AP3S2: variants seen among roughly 807,000 people sequenced by gnomAD.
The protein encoded by AP3S2 is AP-3 complex subunit sigma-2.
AP3S2 carries 22 observed loss-of-function variants against 23.4 expected under a neutral mutation model. That is an observed-to-expected ratio of 0.94 (90% CI 0.67 to 1.34). The LOEUF (loss-of-function observed/expected upper bound fraction) is 1.34, where lower values mean the gene tolerates loss of function less well. AP3S2 is among the 40% of genes most tolerant of loss of function. The pLI is 0.00. For missense variants in AP3S2, 241 were observed against 236.9 expected, an observed-to-expected ratio of 1.02 and a Z score of -0.11; for synonymous variants, 86 against 87.1, an observed-to-expected ratio of 0.99 and a Z score of 0.07.
intron 3 of AP3S2, among the ~76,000 whole-genome samples, chr15:89,881,270 A>C (rs1896563934): frequency 6.6e-6 from 1 of 152,196 alleles, no homozygotes; most frequent in Non-Finnish European, 1.5e-5. Flanking sequence ...AGGCTGTAAT[A>C]GGGGGCTTGG....
At position 89,888,611 on chromosome 15, in the gene AP3S2, G is replaced by A. The variant is rs772786025; in HGVS notation, c.183C>T (p.Tyr61=). Reference sequence around the variant, plus strand: ...TAGCATAGTGCCGGTAGATCAGTTTGTAGTCAGAGCCACCAATCAAACTGC... The same window carrying A: ...TAGCATAGTGCCGGTAGATCAGTTTATAGTCAGAGCCACCAATCAAACTGC... ...EGGSLIGGSD[Y]KLIYRHYATL... The change falls in exon 3 of 6, where the codon TAC becomes TAT. Residue 61 remains tyrosine (Y), a synonymous_variant. Transcript: ENST00000336418. 3.7e-6 allele frequency: 6 copies of A among 1,614,050 alleles called. No individual in the cohort carries two copies. Among genetic ancestry groups the A allele is most frequent in the South Asian group, 3.3e-5 (3 of 91,080 alleles).
At chr15:89,868,026 A>G (rs1345007721) in intron 4 of AP3S2, among the ~76,000 whole-genome samples, 401 of 86,804 alleles carry the variant, frequency 4.6e-3, no homozygotes, top group Middle Eastern at 0.02. Flanking sequence ...CGCCCCGTCC[A>G]GGAGGTGAGG....
Position 89,831,168 on chromosome 15 carries a change from C to T in AP3S2, c.*4347G>A, listed in dbSNP as rs1418069033. The T allele has an allele frequency of 1.3e-5, 2 of 152,224 alleles. No homozygotes were observed. The highest frequency in any genetic ancestry group is 2.9e-5 in the Non-Finnish European group (2 of 68,024). The allele number at this position is 152,224 out of a possible 1,614,324, so 9.4% of individuals were successfully genotyped here. On this transcript the variant is annotated 3_prime_UTR_variant, in exon 6 of 6. Transcript: ENST00000336418. ...AGAATTAATCATTTTCATGGAACTGCTTCCCTATAGGGGCCTGTTTTCGTA... is the reference window on the plus strand; with the variant it reads ...AGAATTAATCATTTTCATGGAACTGTTTCCCTATAGGGGCCTGTTTTCGTA...
intron 3 of AP3S2, among the ~76,000 whole-genome samples, chr15:89,888,224 C>T (rs762103488): frequency 4.7e-4 from 71 of 152,294 alleles, no homozygotes; most frequent in Non-Finnish European, 9.1e-4. Context: ...CCCTACACAT[C>T]TCAGTTTTCA....
intron 4 of AP3S2, among the ~76,000 whole-genome samples, chr15:89,846,115 T>TA (rs1895481304): frequency 6.6e-6 from 1 of 152,196 alleles, no homozygotes; most frequent in Admixed American, 6.5e-5. Context: ...TCTTAAAAGG[T>TA]AAAATGAGGC....
chr15:89,878,229 A>C, intron 3 of AP3S2: 3 of 639,276 alleles, frequency 4.7e-6, no homozygotes, highest in South Asian at 3.5e-5. Flanking sequence ...AGGAAAAAAA[A>C]AACAACAGCA....
intron 4 of AP3S2, among the ~76,000 whole-genome samples, chr15:89,857,927 C>G (rs1159232736): frequency 6.6e-6 from 1 of 152,144 alleles, no homozygotes; most frequent in East Asian, 1.9e-4. Flanking sequence ...CCGGAACACA[C>G]ACATGCCCAG....
At chr15:89,866,984 CT>C (rs1896141061) in intron 4 of AP3S2, among the ~76,000 whole-genome samples, 1 of 111,160 alleles carries the variant, frequency 9.0e-6, no homozygotes, top group Non-Finnish European at 1.9e-5. Flanking sequence ...CTTTTCCCCT[CT>C]CCCTCTCCCT....
At chr15:89,878,104 C>G (rs1284027385) in intron 3 of AP3S2, among the ~76,000 whole-genome samples, 2 of 151,960 alleles carry the variant, frequency 1.3e-5, no homozygotes. Flanking sequence ...TTATTTTCAT[C>G]TTTTAAAACA....
chr15:89,839,546 G>A (rs1248831070), intron 4 of AP3S2, among the ~76,000 whole-genome samples: 1 of 152,110 alleles, frequency 6.6e-6, no homozygotes, highest in Admixed American at 6.5e-5. Flanking sequence ...ATTCCCTGGG[G>A]GAATTCCACT....
rs1357151415 is a variant in AP3S2, at chr15:89,889,036, G to A, written c.161+13C>T. On this transcript the variant is annotated intron_variant, in intron 2 of 5. Coordinates refer to ENST00000336418, the MANE Select transcript of AP3S2 (RefSeq NM_005829.5). ...GTGGATATATGGGGAGAAAAATGAAGCTGACAGTTTACCTTCCACCCTCCA... is the reference window on the plus strand; with the variant it reads ...GTGGATATATGGGGAGAAAAATGAAACTGACAGTTTACCTTCCACCCTCCA... The A allele has an allele frequency of 7.4e-6, 12 of 1,613,960 alleles. No individual in the cohort carries two copies. Among genetic ancestry groups the A allele is most frequent in the Non-Finnish European group, 1.0e-5 (12 of 1,179,992 alleles).
chr15:89,870,855 C>G (rs1243303574), intron 4 of AP3S2, among the ~76,000 whole-genome samples: 1 of 152,176 alleles, frequency 6.6e-6, no homozygotes, highest in East Asian at 1.9e-4. Context: ...CATGGCAATT[C>G]CTATTCCCTT....
chr15:89,855,080 A>C (rs1174874531), intron 4 of AP3S2, among the ~76,000 whole-genome samples: 4 of 142,094 alleles, frequency 2.8e-5, no homozygotes, highest in Non-Finnish European at 6.1e-5. Context: ...TTTGTGGAAC[A>C]GAAAGGCGGG....
intron 4 of AP3S2, among the ~76,000 whole-genome samples, chr15:89,855,397 C>T (rs1895802916): frequency 1.3e-5 from 1 of 75,860 alleles, no homozygotes. Context: ...TGCGGAAGGC[C>T]ACAGGGTCCT....
At chr15:89,848,242 T>C (rs1372708452) in intron 4 of AP3S2, among the ~76,000 whole-genome samples, 1 of 152,240 alleles carries the variant, frequency 6.6e-6, no homozygotes, top group Non-Finnish European at 1.5e-5. Context: ...TAAAAGAGCA[T>C]GGTCACAGTG....
chr15:89,838,690 T>C (rs1014850924), intron 4 of AP3S2, among the ~76,000 whole-genome samples: 6 of 152,178 alleles, frequency 3.9e-5, no homozygotes, highest in African/African-American at 1.4e-4. Flanking sequence ...AAGTGCCAAA[T>C]GACTGGGATA....
rs951789337 is a variant in AP3S2 at position 89,831,380 on chromosome 15, A to T, written c.*4135T>A. On this transcript the variant is annotated 3_prime_UTR_variant, in exon 6 of 6. Transcript: ENST00000336418. ...ACTGGCACCCTCTGGGGTAGGGTAG[A>T]CTCAGGAAGGTGAAAATCAGGATGT... 1 of 152,190 alleles carries T rather than the reference A, an allele frequency of 6.6e-6. No homozygotes were observed. Among genetic ancestry groups the T allele is most frequent in the African/African-American group, 2.4e-5 (1 of 41,448 alleles). The allele number at this position is 152,190 out of a possible 1,614,324, so 9.4% of individuals were successfully genotyped here.
chr15:89,835,701 TAAAAAAAA>T (rs5814404), intron 5 of AP3S2, 58 bp from the exon 6 acceptor site: 54 of 1,040,020 alleles, frequency 5.2e-5, no homozygotes, highest in East Asian at 1.1e-4. Context: ...TGCTTAATGC[TAAAAAAAA>T]AAAAAAAAAA....
chr15:89,884,427 C>T (rs1896645025), intron 3 of AP3S2, among the ~76,000 whole-genome samples: 1 of 151,708 alleles, frequency 6.6e-6, no homozygotes, highest in Non-Finnish European at 1.5e-5. Flanking sequence ...AAAAAAACCA[C>T]TCAACACACA....
Sources: allele counts gnomAD v4.1 joint callset (sites outside exome capture counted in the v4.1 genomes callset), GRCh38; gene constraint gnomAD v4.1.1; transcripts MANE v1.5; gene names NCBI Gene and HGNC (gene_info 2026-07-23, HGNC 2026-07-21).